The following FRMPD4 variants were observed in gnomAD, a reference collection of about 807,000 sequenced individuals.
FRMPD4 encodes FERM and PDZ domain containing 4.
A neutral mutation model predicts 94.1 loss-of-function variants in FRMPD4; 22 were observed. The ratio of observed to expected loss-of-function variants is 0.23; its 90% CI spans 0.17 to 0.33. The LOEUF (loss-of-function observed/expected upper bound fraction) is 0.33. Ranked by LOEUF, FRMPD4 falls within the 10% of genes least tolerant of loss-of-function variation. FRMPD4 has a pLI of 1.00. For synonymous variants in FRMPD4, 631 were observed against 548.6 expected (o/e 1.15, Z -2.10); for missense variants, 1,111 against 1,339.9 (o/e 0.83, Z 2.67).
chrX:12,550,748 A>G (rs904644482), intron 2 of FRMPD4, among the ~76,000 whole-genome samples: 17 of 110,824 alleles, frequency 1.5e-4, no homozygotes, highest in African/African-American at 5.2e-4. Context: ...GAACATAATC[A>G]TACTTGATCC....
At chrX:11,960,950 A>G (rs1277252875) in intron 3 of FRMPD4, among the ~76,000 whole-genome samples, 2 of 112,432 alleles carry the variant, frequency 1.8e-5, no homozygotes, top group Non-Finnish European at 3.8e-5. Context: ...GCGTATAACC[A>G]GTATTGGAAA....
chrX:12,125,551 G>A (rs771666774), intron 3 of FRMPD4, among the ~76,000 whole-genome samples: 6 of 109,711 alleles, frequency 5.5e-5, no homozygotes, highest in Admixed American at 2.9e-4. Flanking sequence ...AATCCCCCCC[G>A]GTCCTTATCT....
intron 3 of FRMPD4, among the ~76,000 whole-genome samples, chrX:11,953,544 G>A (rs1314058299): frequency 2.7e-5 from 3 of 111,069 alleles, no homozygotes; most frequent in Non-Finnish European, 5.7e-5. Context: ...GGACTATTTC[G>A]ATGAGGGGTG....
intron 1 of FRMPD4, among the ~76,000 whole-genome samples, chrX:11,864,014 A>C (rs980433289): frequency 2.7e-5 from 3 of 111,334 alleles, no homozygotes; most frequent in Non-Finnish European, 3.8e-5. Flanking sequence ...GCATTGAAAT[A>C]CTTCTATGTT....
chrX:12,678,708 C>G (rs1348563059), intron 5 of FRMPD4, among the ~76,000 whole-genome samples: 1 of 111,598 alleles, frequency 9.0e-6, no homozygotes, highest in Non-Finnish European at 1.9e-5. Context: ...GTCTGTAATC[C>G]CAGCTACTAG....
intron 9 of FRMPD4, among the ~76,000 whole-genome samples, chrX:12,695,361 A>G (rs775251051): frequency 4.8e-4 from 53 of 111,338 alleles, no homozygotes; most frequent in African/African-American, 1.6e-3. Flanking sequence ...TTTTGTAATT[A>G]AAAAGTAATT....
intron 1 of FRMPD4, 42 bp from the exon 2 acceptor site, chrX:12,498,638 A>G: frequency 1.4e-6 from 1 of 728,467 alleles, no homozygotes; most frequent in South Asian, 2.1e-5. Context: ...AGGAATGTTC[A>G]GGAGTCAGGT....
intron 3 of FRMPD4, among the ~76,000 whole-genome samples, chrX:11,918,100 C>T (rs185966044): frequency 1.6e-4 from 18 of 111,966 alleles, no homozygotes; most frequent in African/African-American, 5.2e-4. Flanking sequence ...TTTATGTGCC[C>T]TTTAAATAGA....
chrX:12,697,611 C>A (rs910688133), intron 9 of FRMPD4, among the ~76,000 whole-genome samples: 4 of 112,240 alleles, frequency 3.6e-5, no homozygotes, highest in Non-Finnish European at 7.5e-5. Context: ...TACAGCTAAA[C>A]CCAGTTCTGT....
intron 1 of FRMPD4, among the ~76,000 whole-genome samples, chrX:12,210,726 C>A (rs1049628500): frequency 9.0e-6 from 1 of 110,580 alleles, no homozygotes; most frequent in Non-Finnish European, 1.9e-5. Context: ...CCGCCTCCCC[C>A]ACCGACAACA....
At chrX:12,715,188 C>T (rs1014983726) in intron 14 of FRMPD4, among the ~76,000 whole-genome samples, 1 of 111,988 alleles carries the variant, frequency 8.9e-6, no homozygotes, top group Non-Finnish European at 1.9e-5. Context: ...AATATCAGAG[C>T]AAATCTCCAC....
chrX:12,152,232 T>G (rs1313384546), intron 1 of FRMPD4, among the ~76,000 whole-genome samples: 1 of 111,994 alleles, frequency 8.9e-6, no homozygotes. Flanking sequence ...ATTCCATTGT[T>G]TTACCATATA....
At chrX:12,283,576 G>A (rs886167064) in intron 1 of FRMPD4, among the ~76,000 whole-genome samples, 9 of 110,540 alleles carry the variant, frequency 8.1e-5, no homozygotes, top group Non-Finnish European at 1.7e-4. Flanking sequence ...AATTGCCTAA[G>A]TGACTAATTA....
At chrX:12,118,426 C>T (rs961882139) in intron 3 of FRMPD4, among the ~76,000 whole-genome samples, 3 of 112,278 alleles carry the variant, frequency 2.7e-5, no homozygotes, top group East Asian at 2.8e-4. Flanking sequence ...AATGAAAGTC[C>T]GCAGCAGGCG....
chrX:12,709,929 A>T (rs1209552269), intron 13 of FRMPD4, among the ~76,000 whole-genome samples: 2 of 110,796 alleles, frequency 1.8e-5, no homozygotes, highest in Non-Finnish European at 3.8e-5. Context: ...GGAGTTGGAG[A>T]ACAGCCTGGC....
At chrX:11,879,498 G>A (rs1377249465) in intron 3 of FRMPD4, among the ~76,000 whole-genome samples, 1 of 110,709 alleles carries the variant, frequency 9.0e-6, no homozygotes, top group Non-Finnish European at 1.9e-5. Flanking sequence ...CAGTTCAATA[G>A]TCTCTTGACT....
chrX:12,631,186 G>A (rs2059392641), intron 4 of FRMPD4, among the ~76,000 whole-genome samples: 1 of 111,670 alleles, frequency 9.0e-6, no homozygotes, highest in African/African-American at 3.3e-5. Context: ...CACCCAGGCA[G>A]TGCAGGGAGC....
rs191273680 is a variant in FRMPD4, at chrX:12,485,617, G to A, written c.42-13063G>A. On this transcript the variant is annotated intron_variant, in intron 1 of 16. Transcript: ENST00000675598. The stretch of plus-strand genomic sequence containing the variant: ...TCCTAGACTACAAGGGAGGCTCTCC[G>A]TTAATGTTAGAAGGAAATAAATTAG... 7.2e-5 allele frequency among the ~76,000 whole-genome samples: 8 copies of A among 111,798 alleles called. No individual in the cohort carries two copies. The South Asian group carries it at 1.1e-3, about 16-fold the overall frequency.
intron 1 of FRMPD4, among the ~76,000 whole-genome samples, chrX:12,329,937 G>A (rs1481356769): frequency 2.8e-5 from 3 of 108,848 alleles, no homozygotes; most frequent in Admixed American, 9.9e-5. Flanking sequence ...GCAGACCTCC[G>A]GCACTTTCAG....
Sources: gnomAD v4.1 joint callset for allele counts (sites outside exome capture counted in the v4.1 genomes callset) on GRCh38, gnomAD v4.1.1 for gene constraint, MANE v1.5 for transcripts, NCBI Gene and HGNC (gene_info 2026-07-23, HGNC 2026-07-21) for gene names.